The following AUTS2 variants were observed in gnomAD, a reference collection of about 807,000 sequenced individuals.
AUTS2 encodes activator of transcription and developmental regulator AUTS2.
In AUTS2, 17 loss-of-function variants were observed where a neutral mutation model predicts 112.4. The observed-to-expected ratio is 0.15, with a 90% CI of 0.10 to 0.23. AUTS2 has a LOEUF of 0.23. AUTS2 is among the 10% of genes least tolerant of loss of function. The pLI is 1.00. For missense variants in AUTS2, 1,510 were observed against 1,701.6 expected (o/e 0.89, Z 1.98); for synonymous variants, 751 against 702.7 (o/e 1.07, Z -1.09).
rs544005591 is a variant in AUTS2 at position 70,382,073 on chromosome 7, A to G, written c.661-53679A>G. 2.6e-4 allele frequency among the ~76,000 whole-genome samples: 39 copies of G among 152,272 alleles called. No homozygotes were observed. The Middle Eastern group carries it at 0.014, about 53-fold the overall frequency. ...AACAAGTATTCTCAGCAGTCCAGAC[A>G]CCATTGCCCTACAACTTCCCTTGCA... On this transcript the variant is annotated intron_variant, in intron 4 of 18. Coordinates refer to ENST00000342771, the MANE Select transcript of AUTS2 (RefSeq NM_015570.4).
At chr7:70,127,379 C>A (rs935611362) in intron 3 of AUTS2, among the ~76,000 whole-genome samples, 1 of 152,136 alleles carries the variant, frequency 6.6e-6, no homozygotes, top group Non-Finnish European at 1.5e-5. Context: ...GGTAATCCAC[C>A]CTCCTCAGCC....
chr7:70,791,869 T>G lies in AUTS2; in HGVS notation c.*873T>G, dbSNP rs1347434753. The G allele has an allele frequency of 3.3e-5, 5 of 152,108 alleles. No individual in the cohort carries two copies. Among genetic ancestry groups the G allele is most frequent in the Non-Finnish European group, 7.4e-5 (5 of 68,008 alleles). The allele number at this position is 152,108 out of a possible 1,614,324, so 9.4% of individuals were successfully genotyped here. ...GGTAACTGAGGACATGAGCAACCAG[T>G]GCCAGGGAGGGTGGGATTTGCCAGA... is the stretch of plus-strand genomic sequence containing the variant. On this transcript the variant is annotated 3_prime_UTR_variant, in exon 19 of 19. Coordinates refer to ENST00000342771, the MANE Select transcript of AUTS2 (RefSeq NM_015570.4).
At chr7:70,095,653 G>A (rs1364238682) in intron 2 of AUTS2, among the ~76,000 whole-genome samples, 2 of 152,120 alleles carry the variant, frequency 1.3e-5, no homozygotes, top group Non-Finnish European at 2.9e-5. Flanking sequence ...TTATTGGAGA[G>A]ACAGACAAGA....
chr7:70,435,816 C>T (rs775682378), intron 5 of AUTS2, 35 bp downstream of exon 5: 1 of 1,607,686 alleles, frequency 6.2e-7, no homozygotes, highest in Admixed American at 1.7e-5. Context: ...GGGCACAGCA[C>T]ATAACACACT....
chr7:69,853,844 A>T (rs1469996076), intron 1 of AUTS2, among the ~76,000 whole-genome samples: 2 of 152,190 alleles, frequency 1.3e-5, no homozygotes, highest in East Asian at 3.8e-4. Flanking sequence ...ATTAAAAAAA[A>T]TTATTGATAC....
intron 5 of AUTS2, among the ~76,000 whole-genome samples, chr7:70,529,465 G>A (rs985637035): frequency 8.5e-5 from 13 of 152,324 alleles, no homozygotes; most frequent in Non-Finnish European, 1.8e-4. Flanking sequence ...TGGAACTTGA[G>A]CCCAGGCTGA....
chr7:70,245,680 T>C (rs1812887690), intron 4 of AUTS2, among the ~76,000 whole-genome samples: 1 of 152,178 alleles, frequency 6.6e-6, no homozygotes, highest in Non-Finnish European at 1.5e-5. Flanking sequence ...GTTTCCATTT[T>C]TGATTTGTTA....
intron 2 of AUTS2, among the ~76,000 whole-genome samples, chr7:69,926,573 A>C (rs1027742545): frequency 3.3e-5 from 5 of 151,424 alleles, no homozygotes; most frequent in Admixed American, 2.6e-4. Context: ...TTTCCATTCA[A>C]ATGTTAGGTT....
intron 2 of AUTS2, among the ~76,000 whole-genome samples, chr7:69,915,657 A>T (rs1349230367): frequency 1.3e-5 from 2 of 152,194 alleles, no homozygotes; most frequent in African/African-American, 4.8e-5. Context: ...CTTTTCTATC[A>T]TTTCTGTTTT....
chr7:69,728,924 T>G (rs1376900362), intron 1 of AUTS2, among the ~76,000 whole-genome samples: 1 of 152,110 alleles, frequency 6.6e-6, no homozygotes, highest in Non-Finnish European at 1.5e-5. Context: ...GAACATTGGA[T>G]TTTTTAGTGT....
intron 4 of AUTS2, among the ~76,000 whole-genome samples, chr7:70,170,797 AG>A (rs1394876648): frequency 2.6e-5 from 4 of 151,750 alleles, no homozygotes; most frequent in African/African-American, 9.7e-5. Context: ...TAGTAGAGAC[AG>A]GGTTTCACCA....
intron 4 of AUTS2, among the ~76,000 whole-genome samples, chr7:70,205,970 A>G (rs1333119342): frequency 6.6e-6 from 1 of 152,212 alleles, no homozygotes; most frequent in Non-Finnish European, 1.5e-5. Flanking sequence ...AACTGAATGT[A>G]TGCTAGAGTC....
chr7:70,022,596 C>T (rs955547391), intron 2 of AUTS2, among the ~76,000 whole-genome samples: 33 of 152,250 alleles, frequency 2.2e-4, no homozygotes, highest in African/African-American at 6.7e-4. Context: ...GCAGGGATTA[C>T]AGACATGAGC....
intron 4 of AUTS2, among the ~76,000 whole-genome samples, chr7:70,303,028 A>G (rs1271618695): frequency 1.3e-5 from 2 of 151,666 alleles, no homozygotes; most frequent in Non-Finnish European, 2.9e-5. Flanking sequence ...GTGGCTGTGC[A>G]GAAGAGTTTA....
chr7:70,700,601 A>AG (rs1213243238), intron 6 of AUTS2, among the ~76,000 whole-genome samples: 3 of 150,348 alleles, frequency 2.0e-5, no homozygotes, highest in Non-Finnish European at 3.0e-5. Flanking sequence ...AAAGAGATTA[A>AG]GGGGGGTGTG....
chr7:70,274,091 T>C (rs1395882321), intron 4 of AUTS2, among the ~76,000 whole-genome samples: 2 of 152,218 alleles, frequency 1.3e-5, no homozygotes, highest in Non-Finnish European at 2.9e-5. Context: ...TGTTGCGTTT[T>C]GTACAGTGGG....
intron 5 of AUTS2, among the ~76,000 whole-genome samples, chr7:70,559,780 T>A (rs1165917222): frequency 6.6e-6 from 1 of 152,140 alleles, no homozygotes. Flanking sequence ...CCTCCTTACC[T>A]CCAGTGGTCT....
chr7:70,517,601 TTAAA>T lies in AUTS2; in HGVS notation c.690+81825_690+81828del, dbSNP rs1022359478. Among the ~76,000 whole-genome samples the T allele has an allele frequency of 4.0e-5, 6 of 148,468 alleles. No individual in the cohort carries two copies. The East Asian group carries it at 7.8e-4, about 19-fold the overall frequency. Reference sequence around the variant, plus strand: ...ATTGCATATATAATATATATTATAATTAAATAAAATATATATAATGTATTATTAC... The same window carrying T: ...ATTGCATATATAATATATATTATAATTAAAATATATATAATGTATTATTAC... On this transcript the variant is annotated intron_variant, in intron 5 of 18. Transcript: ENST00000342771.
intron 2 of AUTS2, among the ~76,000 whole-genome samples, chr7:70,100,975 T>G (rs1804457368): frequency 6.6e-6 from 1 of 152,080 alleles, no homozygotes; most frequent in African/African-American, 2.4e-5. Context: ...CCTCCTGGGT[T>G]CAAGCGATTC....
Sources: allele counts gnomAD v4.1 joint callset (sites outside exome capture counted in the v4.1 genomes callset), GRCh38; gene constraint gnomAD v4.1.1; transcripts MANE v1.5; gene names NCBI Gene and HGNC (gene_info 2026-07-23, HGNC 2026-07-21).